LEPR: variants seen among roughly 807,000 people sequenced by gnomAD.
LEPR encodes leptin receptor.
LEPR carries 56 observed loss-of-function variants against 114.7 expected under a neutral mutation model. The observed-to-expected ratio is 0.49, with a 90% CI of 0.39 to 0.61. The LOEUF (loss-of-function observed/expected upper bound fraction) is 0.61. LEPR is among the 20% of genes least tolerant of loss of function. LEPR has a pLI of 0.00. For synonymous variants in LEPR, 443 were observed against 461.4 expected (o/e 0.96, Z 0.51); for missense variants, 1,202 against 1,352.9 (o/e 0.89, Z 1.75).
At chr1:65,587,538 C>T (rs1655393072) in intron 5 of LEPR, among the ~76,000 whole-genome samples, 1 of 151,942 alleles carries the variant, frequency 6.6e-6, no homozygotes, top group Non-Finnish European at 1.5e-5. Flanking sequence ...CGGGGATTGT[C>T]TTGGTTTTAT....
intron 2 of LEPR, among the ~76,000 whole-genome samples, chr1:65,483,381 C>A (rs1647316152): frequency 6.6e-6 from 1 of 151,980 alleles, no homozygotes; most frequent in South Asian, 2.1e-4. Flanking sequence ...AAAAATACAA[C>A]CTGATATTAC....
chr1:65,518,873 T>TTTTCTTTCTTTCTTTCTTTC lies in LEPR; in HGVS notation c.-20-46647_-20-46628dup, dbSNP rs55672943. Among the ~76,000 whole-genome samples the TTTTCTTTCTTTCTTTCTTTC allele has an allele frequency of 6.3e-3, 744 of 117,284 alleles. 5 individuals are homozygous for TTTTCTTTCTTTCTTTCTTTC. The highest frequency in any genetic ancestry group is 0.019 in the East Asian group (82 of 4,354). The allele number at this position is 117,284 out of a possible 152,430, so 76.9% of individuals were successfully genotyped here. On this transcript the variant is annotated intron_variant, in intron 2 of 19. Transcript: ENST00000349533. ...TTTTCTCTTTTCTTTCTTTCTTTCT[T>TTTTCTTTCTTTCTTTCTTTC]TTTCTTTCTTTCTTTCTTTCTTTCT...
At chr1:65,605,001 A>G (rs752016101) in intron 10 of LEPR, 37 bp from the exon 11 acceptor site, 2 of 1,603,360 alleles carry the variant, frequency 1.2e-6, no homozygotes, top group African/African-American at 2.7e-5. Context: ...TGCTTTTATT[A>G]ATGTATACTA....
intron 8 of LEPR, among the ~76,000 whole-genome samples, chr1:65,599,386 T>C (rs1570786465): frequency 6.6e-6 from 1 of 152,270 alleles, no homozygotes; most frequent in East Asian, 1.9e-4. Context: ...AGAAAGACAA[T>C]AGTCCTTTGG....
chr1:65,511,429 T>TACACAC (rs5774756), intron 2 of LEPR, among the ~76,000 whole-genome samples: 41 of 147,600 alleles, frequency 2.8e-4, no homozygotes, highest in African/African-American at 9.2e-4. Flanking sequence ...TATATATGTA[T>TACACAC]ACACACACAC....
At chr1:65,570,389 C>A in intron 3 of LEPR, 84 bp from the exon 4 acceptor site, 1 of 1,334,108 alleles carries the variant, frequency 7.5e-7, no homozygotes, top group Non-Finnish European at 1.0e-6. Context: ...TTGAGCACTA[C>A]ATGGTTTAAT....
intron 2 of LEPR, among the ~76,000 whole-genome samples, chr1:65,564,758 T>C (rs1653603644): frequency 6.6e-6 from 1 of 152,208 alleles, no homozygotes; most frequent in Non-Finnish European, 1.5e-5. Context: ...CACAGCTGAT[T>C]ACCGGAAGAG....
chr1:65,474,884 G>A (rs1474502225), intron 2 of LEPR, among the ~76,000 whole-genome samples: 3 of 151,450 alleles, frequency 2.0e-5, no homozygotes, highest in African/African-American at 7.3e-5. Context: ...GCGTGCACCT[G>A]TAATCCCAGC....
At chr1:65,625,789 G>C (rs1229128366) in intron 19 of LEPR, among the ~76,000 whole-genome samples, 1 of 152,138 alleles carries the variant, frequency 6.6e-6, no homozygotes, top group Non-Finnish European at 1.5e-5. Flanking sequence ...GTGGAAGGCA[G>C]TACCTAGCAT....
chr1:65,581,537 C>T (rs2100850799), intron 5 of LEPR, among the ~76,000 whole-genome samples: 1 of 152,006 alleles, frequency 6.6e-6, no homozygotes, highest in Non-Finnish European at 1.5e-5. Flanking sequence ...TCTCACAAAA[C>T]TACCTGGACC....
At chr1:65,599,474 T>C (rs1012417554) in intron 8 of LEPR, among the ~76,000 whole-genome samples, 1 of 152,182 alleles carries the variant, frequency 6.6e-6, no homozygotes, top group Admixed American at 6.5e-5. Flanking sequence ...TGTACAGAGA[T>C]AACAGGTACC....
chr1:65,452,800 A>C (rs1343299580), intron 2 of LEPR, among the ~76,000 whole-genome samples: 4 of 152,078 alleles, frequency 2.6e-5, no homozygotes, highest in Non-Finnish European at 1.5e-5. Flanking sequence ...TCATAAAATG[A>C]GTTAGGGAGG....
At position 65,452,760 on chromosome 1, in the gene LEPR, C is replaced by T. The variant is rs535054996; in HGVS notation, c.-21+27382C>T. ...ATTCTCTTTTTTTGTTGTGTCTCTGCCCGGCTTTGGTATCAGGATGATGCT... is the reference window on the plus strand; with the variant it reads ...ATTCTCTTTTTTTGTTGTGTCTCTGTCCGGCTTTGGTATCAGGATGATGCT... On this transcript the variant is annotated intron_variant, in intron 2 of 19. Transcript: ENST00000349533. Among the ~76,000 whole-genome samples, 342 of 151,930 alleles carry T rather than the reference C, an allele frequency of 2.3e-3. 1 individual carries two copies. The highest frequency in any genetic ancestry group is 3.5e-3 in the Non-Finnish European group (238 of 67,934).
In LEPR at chr1:65,608,838, T is replaced by A. The variant is rs1292056914; in HGVS notation, c.1689T>A (p.Phe563Leu). The A allele has an allele frequency of 5.0e-6, 8 of 1,613,820 alleles. No homozygotes were observed. The highest frequency in any genetic ancestry group is 6.8e-6 in the Non-Finnish European group (8 of 1,179,860). Residue 563 changes from phenylalanine (F) to leucine (L), a missense_variant, in exon 12 of 20, where the codon TTT becomes TTA. Phe to Leu is a conservative substitution (Grantham distance 22). Coordinates refer to ENST00000349533, the MANE Select transcript of LEPR (RefSeq NM_002303.6). The part of the protein sequence containing the change: ...LLKISWEKPV[F>L]PENNLQFQIR... Reference sequence around the variant, plus strand: ...AAATATCTTGGGAAAAGCCAGTCTTTCCAGAGAATAACCTTCAATTCCAGA... The same window carrying A: ...AAATATCTTGGGAAAAGCCAGTCTTACCAGAGAATAACCTTCAATTCCAGA...
chr1:65,428,142 T>C (rs1255466683), intron 2 of LEPR: 1 of 152,300 alleles, frequency 6.6e-6, no homozygotes, highest in African/African-American at 2.4e-5. Flanking sequence ...TGGCCCTTTA[T>C]AGAAAAAGTT....
At position 65,610,228 on chromosome 1, in the gene LEPR, C is replaced by A. The variant is rs754895623; in HGVS notation, c.1927C>A (p.Pro643Thr). Reference sequence around the variant, plus strand: ...TCATTTTGCAGTTCCTATGAGAGGACCTGAATTTTGGAGAATAATTAATGG... The same window carrying A: ...TCATTTTGCAGTTCCTATGAGAGGAACTGAATTTTGGAGAATAATTAATGG... ...VMDIKVPMRG[P>T]EFWRIINGDT... Residue 643 changes from proline (P) to threonine (T), a missense_variant, in exon 14 of 20, where the codon CCT (proline) becomes ACT (threonine). Pro to Thr is a conservative substitution (Grantham distance 38, BLOSUM62 -1). Transcript: ENST00000349533. 1 of 1,613,842 alleles carries A rather than the reference C, an allele frequency of 6.2e-7. No homozygotes were observed. Among genetic ancestry groups the A allele is most frequent in the Non-Finnish European group, 8.5e-7 (1 of 1,179,888 alleles).
At chr1:65,459,820 C>T (rs1362648769) in intron 2 of LEPR, among the ~76,000 whole-genome samples, 3 of 152,152 alleles carry the variant, frequency 2.0e-5, no homozygotes, top group African/African-American at 7.2e-5. Flanking sequence ...ACCATTTTAG[C>T]CATTCTCTGT....
chr1:65,490,098 A>G (rs2100489156), intron 2 of LEPR, among the ~76,000 whole-genome samples: 1 of 152,248 alleles, frequency 6.6e-6, no homozygotes, highest in African/African-American at 2.4e-5. Context: ...TCTAAAAGAT[A>G]ATTAATACTA....
intron 5 of LEPR, chr1:65,576,767 C>T (rs780807393): frequency 3.8e-5 from 8 of 210,518 alleles, no homozygotes; most frequent in South Asian, 8.5e-5. Context: ...CATGGCATCC[C>T]GGCCTTCAGG....
Sources: gnomAD v4.1 joint callset for allele counts (sites outside exome capture counted in the v4.1 genomes callset) on GRCh38, gnomAD v4.1.1 for gene constraint, MANE v1.5 for transcripts, NCBI Gene and HGNC (gene_info 2026-07-23, HGNC 2026-07-21) for gene names.